Variants in MYBPC2 observed in about 807,000 individuals in gnomAD.
MYBPC2 encodes myosin-binding protein C, fast-type.
In MYBPC2, 122 loss-of-function variants were observed where a neutral mutation model predicts 137.0. That is an observed-to-expected ratio of 0.89 (90% CI 0.77 to 1.03). The LOEUF (loss-of-function observed/expected upper bound fraction) is 1.03. Among genes scored for constraint, MYBPC2 ranks in the 50% least tolerant of loss-of-function variants. The pLI is 0.00. For missense variants in MYBPC2, 1,500 were observed against 1,534.4 expected, an observed-to-expected ratio of 0.98 and a Z score of 0.37; for synonymous variants, 626 against 612.3, an observed-to-expected ratio of 1.02 and a Z score of -0.33.
intron 17 of MYBPC2, 38 bp from the exon 18 acceptor site, chr19:50,454,227 G>A: frequency 6.2e-7 from 1 of 1,613,794 alleles, no homozygotes; most frequent in Non-Finnish European, 8.5e-7. Flanking sequence ...GACTCCCTGA[G>A]GCCTCGAGGG....
At chr19:50,443,837 G>A (rs368586553) in intron 11 of MYBPC2, 21 bp downstream of exon 11, 3 of 1,601,698 alleles carry the variant, frequency 1.9e-6, no homozygotes, top group African/African-American at 1.3e-5. Context: ...CTTGATCCCT[G>A]ATCTCCATAC....
Position 50,464,378 on chromosome 19 carries a change from A to C in MYBPC2, c.3261A>C (p.Glu1087Asp), listed in dbSNP as rs775127191. 8.1e-6 allele frequency: 13 copies of C among 1,610,322 alleles called. No homozygotes were observed. In the East Asian group the frequency reaches 2.5e-4, roughly 30 times the overall value. ...PKVVWMKNKM[E>D]IREDPKFLIT... ...TGGTCTGGATGAAGAACAAGATGGA[A>C]ATCCGTGAAGATCCCAAGTTCCTGA... Residue 1087 changes from glutamate to aspartate, a missense_variant, in exon 27 of 28, where the codon GAA (glutamate) becomes GAC (aspartate). Transcript: ENST00000357701.
rs544285168 is a variant in MYBPC2, at chr19:50,450,916, G to A, written c.1560G>A (p.Ser520=). Residue 520 remains serine, a synonymous_variant, in exon 14 of 28, where the codon TCG becomes TCA. Coordinates refer to ENST00000357701, the MANE Select transcript of MYBPC2 (RefSeq NM_004533.4). ...CTGACGGCTACGCCCTGTCGCTCTC[G>A]GCCAAGCTCAACTTCCTGGGTGAGG... is the stretch of plus-strand genomic sequence containing the variant. ...FVPDGYALSL[S]AKLNFLEIKV... 1.1e-4 allele frequency: 169 copies of A among 1,569,950 alleles called. 1 individual carries two copies. In the East Asian group the frequency reaches 2.1e-3, roughly 20 times the overall value.
At chr19:50,455,407 C>A in intron 19 of MYBPC2, 103 bp from the exon 20 acceptor site, 1 of 1,559,630 alleles carries the variant, frequency 6.4e-7, no homozygotes, top group Non-Finnish European at 8.7e-7. Flanking sequence ...CTGACCCTAC[C>A]CCCTGGCCTT....
In MYBPC2 at chr19:50,437,746, G is replaced by A. The variant is rs745456089; in HGVS notation, c.572+28G>A. On this transcript the variant is annotated intron_variant, in intron 7 of 27. Transcript: ENST00000357701. ...GAGCCCCGGACTTGGCACAGAGAGG[G>A]GAGATGGGACTCAAGGGGAGGAGGT... 4 of 1,587,656 alleles carry A rather than the reference G, an allele frequency of 2.5e-6. 1 individual carries two copies. The South Asian group carries it at 3.4e-5, about 14-fold the overall frequency.
rs3892478 is a variant in MYBPC2 at position 50,435,609 on chromosome 19, G to A, written c.110-167G>A. On this transcript the variant is annotated intron_variant, in intron 2 of 27. Coordinates refer to ENST00000357701, the MANE Select transcript of MYBPC2 (RefSeq NM_004533.4). This position sits in a 1 kb window ranked among gnomAD's most constrained non-coding sequence, Gnocchi z 4.8. ...TGGCCAAGGTCACACAGCCACGAGG[G>A]TGACAGGTGGCCTTTCCCAGGTCAG... Among the ~76,000 whole-genome samples the A allele has an allele frequency of 9.9e-3, 1,513 of 152,350 alleles. 16 individuals carry two copies. The highest frequency in any genetic ancestry group is 0.034 in the African/African-American group (1,400 of 41,572).
At position 50,441,151 on chromosome 19, in the gene MYBPC2, C is replaced by A. The variant is rs879188947; in HGVS notation, c.769+75C>A. On this transcript the variant is annotated intron_variant, in intron 8 of 27. Transcript: ENST00000357701. Reference sequence around the variant, plus strand: ...GCCTTGTGGGTGTCTAATGATTGGACCCTGGACCTATCTTTTCGAGGTCCC... The same window carrying A: ...GCCTTGTGGGTGTCTAATGATTGGAACCTGGACCTATCTTTTCGAGGTCCC... 3.6e-5 allele frequency: 51 copies of A among 1,413,382 alleles called. No homozygotes were observed. In the South Asian group the frequency reaches 5.7e-4, roughly 16 times the overall value. The allele number at this position is 1,413,382 out of a possible 1,614,324, so 87.6% of individuals were successfully genotyped here.
At chr19:50,436,310 G>C in intron 4 of MYBPC2, 150 bp downstream of exon 4, 1 of 1,300,608 alleles carries the variant, frequency 7.7e-7, no homozygotes, top group Non-Finnish European at 1.0e-6. Context: ...GTGCGGGGCT[G>C]CTGGGGAGAG....
At chr19:50,454,958 A>C in intron 18 of MYBPC2, 150 bp from the exon 19 acceptor site, 1 of 649,810 alleles carries the variant, frequency 1.5e-6, no homozygotes, top group Non-Finnish European at 2.6e-6. Flanking sequence ...GTGGCCTCTG[A>C]ATGCTCTGTG....
At chr19:50,464,976 C>T (rs1017227032) in intron 27 of MYBPC2, among the ~76,000 whole-genome samples, 6 of 152,096 alleles carry the variant, frequency 3.9e-5, no homozygotes, top group Admixed American at 1.3e-4. Context: ...CTCCCTGCCC[C>T]GTCCCTCATC....
At chr19:50,444,380 C>A (rs1321464726) in intron 11 of MYBPC2, among the ~76,000 whole-genome samples, 2 of 152,168 alleles carry the variant, frequency 1.3e-5, no homozygotes, top group Non-Finnish European at 2.9e-5. Flanking sequence ...TATATCCACT[C>A]TTCCATTTAG....
intron 15 of MYBPC2, 149 bp downstream of exon 15, chr19:50,451,458 G>A: frequency 4.6e-6 from 3 of 654,074 alleles, no homozygotes; most frequent in Admixed American, 2.9e-5. Flanking sequence ...AGGGGGTTGG[G>A]GTGCTGAGGA....
intron 16 of MYBPC2, among the ~76,000 whole-genome samples, chr19:50,452,424 A>AATCT (rs72353219): frequency 0.32 from 48,599 of 151,570 alleles, 7,844 homozygotes; most frequent in South Asian, 0.41. Flanking sequence ...CTATCTATAT[A>AATCT]ATCTATCTAA....
In MYBPC2 at chr19:50,442,295, A is replaced by C. The variant is rs2039763408; in HGVS notation, c.884A>C (p.Glu295Ala). The C allele has an allele frequency of 6.2e-7, 1 of 1,609,002 alleles. No homozygotes were observed. The highest frequency in any genetic ancestry group is 1.3e-5 in the African/African-American group (1 of 74,838). ...CTCAAGTGGTTCAAGAACGGCCAGG[A>C]GATCAAACCAAGCAGCAAGTATGTG... The part of the protein sequence containing the change: ...LTLKWFKNGQ[E>A]IKPSSKYVFE... Residue 295 changes from glutamate to alanine, a missense_variant, in exon 9 of 28, where the codon GAG becomes GCG. Physicochemically the swap from Glu to Ala is moderately radical, Grantham distance 107 (BLOSUM62 -1). Coordinates refer to ENST00000357701, the MANE Select transcript of MYBPC2 (RefSeq NM_004533.4).
rs12327751 is a variant in MYBPC2 at position 50,465,633 on chromosome 19, G to T, written c.3416-562G>T. Among the ~76,000 whole-genome samples, 83,809 of 152,030 alleles carry T rather than the reference G, an allele frequency of 0.55. 23,594 individuals carry two copies. Among genetic ancestry groups the T allele is most frequent in the South Asian group, 0.68 (3,268 of 4,822 alleles). On this transcript the variant is annotated intron_variant, in intron 27 of 27. Coordinates refer to ENST00000357701, the MANE Select transcript of MYBPC2 (RefSeq NM_004533.4). The surrounding 1 kb of genome is among the most constrained non-coding windows in gnomAD (Gnocchi z 4.5). ...AAGGCAGGCGAGTTGCTTGAGCCCA[G>T]GAGTTCAAGACCAGCCTGGGCAACA...
At chr19:50,441,506 G>A (rs2039755209) in intron 8 of MYBPC2, among the ~76,000 whole-genome samples, 2 of 152,178 alleles carry the variant, frequency 1.3e-5, no homozygotes, top group South Asian at 2.1e-4. Flanking sequence ...GCCCTGTTCC[G>A]CAGGAGCAGT....
Position 50,443,751 on chromosome 19 carries a change from G to A in MYBPC2, c.1068G>A (p.Gln356=). Residue 356 remains glutamine (Q), a synonymous_variant, in exon 11 of 28, where the codon CAG becomes CAA. Transcript: ENST00000357701. ...TTGTCACACCTCTTGAGGACCAGCA[G>A]GTGTTTGTGGGTGACCGGGTGGAAA... is the stretch of plus-strand genomic sequence containing the variant. ...VLIVTPLEDQ[Q]VFVGDRVEMA... The A allele has an allele frequency of 6.2e-7, 1 of 1,613,950 alleles. No individual in the cohort carries two copies. Among genetic ancestry groups the A allele is most frequent in the Non-Finnish European group, 8.5e-7 (1 of 1,179,886 alleles).
chr19:50,449,862 AATG>A (rs1371288609), intron 13 of MYBPC2, among the ~76,000 whole-genome samples: 1 of 152,040 alleles, frequency 6.6e-6, no homozygotes, highest in East Asian at 1.9e-4. Flanking sequence ...TGGTCTCAGT[AATG>A]ATGATAATGG....
intron 8 of MYBPC2, 38 bp from the exon 9 acceptor site, chr19:50,442,143 C>A: frequency 6.4e-7 from 1 of 1,560,820 alleles, no homozygotes; most frequent in Middle Eastern, 1.7e-4. Flanking sequence ...GAATGAGGAC[C>A]ACACGCCTCC....
Sources: gnomAD v4.1 joint callset for allele counts (sites outside exome capture counted in the v4.1 genomes callset) on GRCh38, gnomAD v4.1.1 for gene constraint, Gnocchi (gnomAD v3.1) non-coding constraint, MANE v1.5 for transcripts, NCBI Gene and HGNC (gene_info 2026-07-23, HGNC 2026-07-21) for gene names.